The following ATG4C variants were observed in gnomAD, a reference collection of about 807,000 sequenced individuals.
The protein encoded by ATG4C is autophagy related 4C cysteine peptidase.
In ATG4C, 56 loss-of-function variants were observed where a neutral mutation model predicts 57.6. The observed-to-expected ratio is 0.97, with a 90% CI of 0.78 to 1.21. The LOEUF (loss-of-function observed/expected upper bound fraction) is 1.21, where lower values mean the gene tolerates loss of function less well. ATG4C is among the 50% of genes most tolerant of loss of function. ATG4C has a pLI of 0.00. For missense variants in ATG4C, 595 were observed against 529.8 expected (o/e 1.12, Z -1.21); for synonymous variants, 157 against 174.1 (o/e 0.90, Z 0.78).
In ATG4C at chr1:62,834,811, C is replaced by G; in HGVS notation, c.1048C>G (p.Gln350Glu). 6.2e-7 allele frequency: 1 copy of G among 1,612,170 alleles called. No homozygotes were observed. The highest frequency in any genetic ancestry group is 8.5e-7 in the Non-Finnish European group (1 of 1,178,768). Reference sequence around the variant, plus strand: ...GATTTACATGGATCCTCATTACTGCCAATCTTTTGTAGATGTCAGCATAAA... The same window carrying G: ...GATTTACATGGATCCTCATTACTGCGAATCTTTTGTAGATGTCAGCATAAA... ...SLIYMDPHYC[Q>E]SFVDVSIKDF... Residue 350 changes from glutamine to glutamate, a missense_variant, in exon 9 of 11, where the codon CAA becomes GAA. Transcript: ENST00000317868.
Position 62,841,454 on chromosome 1 carries a change from G to T in ATG4C, c.1116G>T (p.Lys372Asn). The change falls in exon 10 of 11, where the codon AAG becomes AAT. Residue 372 changes from lysine to asparagine, a missense_variant. Transcript: ENST00000317868. ...CATTCCACTGCCCTTCTCCCAAAAA[G>T]ATGTCTTTTCGAAAAATGGATCCCA... ...LETFHCPSPKKMSFRKMDPSC... is the reference protein window; with the variant it reads ...LETFHCPSPKNMSFRKMDPSC... The T allele has an allele frequency of 1.2e-6, 2 of 1,607,452 alleles. No homozygotes were observed. Among genetic ancestry groups the T allele is most frequent in the Non-Finnish European group, 1.7e-6 (2 of 1,176,570 alleles).
At chr1:62,858,195 T>G (rs918130365) in intron 10 of ATG4C, among the ~76,000 whole-genome samples, 4 of 152,236 alleles carry the variant, frequency 2.6e-5, no homozygotes, top group African/African-American at 9.6e-5. Context: ...TCTTTGTCAC[T>G]TGCAACAAAA....
chr1:62,813,889 A>G (rs1029646356), intron 3 of ATG4C, among the ~76,000 whole-genome samples: 43 of 152,346 alleles, frequency 2.8e-4, no homozygotes, highest in African/African-American at 1.0e-3. Flanking sequence ...CAAAACCACA[A>G]TGAGATACCA....
chr1:62,850,019 T>A (rs1457907764), intron 10 of ATG4C, among the ~76,000 whole-genome samples: 1 of 152,210 alleles, frequency 6.6e-6, no homozygotes, highest in Non-Finnish European at 1.5e-5. Context: ...TTATGAGTAC[T>A]ATTTAGAGAG....
chr1:62,842,772 A>T (rs6665455), intron 10 of ATG4C, among the ~76,000 whole-genome samples: 41 of 152,050 alleles, frequency 2.7e-4, no homozygotes, highest in Middle Eastern at 6.8e-3. Flanking sequence ...AACAAATGAG[A>T]TATGTGGGAA....
intron 10 of ATG4C, among the ~76,000 whole-genome samples, chr1:62,859,173 C>T (rs2100366908): frequency 6.6e-6 from 1 of 152,252 alleles, no homozygotes; most frequent in East Asian, 1.9e-4. Flanking sequence ...AAAGGAAATG[C>T]TGTTTGGGAC....
intron 2 of ATG4C, among the ~76,000 whole-genome samples, chr1:62,804,571 C>T (rs1293634540): frequency 6.6e-6 from 1 of 152,038 alleles, no homozygotes; most frequent in Admixed American, 6.6e-5. Context: ...TAGGCCTCTT[C>T]CCACACAAAA....
chr1:62,855,449 T>C (rs1666653582), intron 10 of ATG4C, among the ~76,000 whole-genome samples: 1 of 152,220 alleles, frequency 6.6e-6, no homozygotes, highest in African/African-American at 2.4e-5. Context: ...GTTAAACTTA[T>C]TACCTAGTAG....
Position 62,816,535 on chromosome 1 carries a change from A to T in ATG4C, c.161-40A>T, listed in dbSNP as rs375805653. The T allele has an allele frequency of 1.7e-5, 24 of 1,434,072 alleles. No individual in the cohort carries two copies. In the African/African-American group the frequency reaches 3.3e-4, roughly 20 times the overall value. 88.8% of individuals were successfully genotyped at this position (1,434,072 alleles called of 1,614,324 possible). On this transcript the variant is annotated intron_variant, in intron 3 of 10. Transcript: ENST00000317868. ...GATAATGTTTGTTACCATTATAGAC[A>T]TTTCTCTGGTTATCTTTAGACCGTA...
intron 9 of ATG4C, among the ~76,000 whole-genome samples, chr1:62,835,166 TA>T (rs1026150924): frequency 3.8e-4 from 56 of 148,424 alleles, no homozygotes; most frequent in African/African-American, 1.0e-3. Context: ...CTGAAGAATT[TA>T]AAATGTAAGG....
chr1:62,859,772 T>C (rs1243834106), intron 10 of ATG4C, among the ~76,000 whole-genome samples: 1 of 152,136 alleles, frequency 6.6e-6, no homozygotes, highest in Non-Finnish European at 1.5e-5. Context: ...CTTGACTGAC[T>C]GCAACCTCCG....
chr1:62,845,712 A>T (rs1248064434), intron 10 of ATG4C, among the ~76,000 whole-genome samples: 1 of 151,470 alleles, frequency 6.6e-6, no homozygotes, highest in African/African-American at 2.4e-5. Flanking sequence ...TTATTTATTT[A>T]TTTTTTTGAG....
At chr1:62,806,912 G>GCT (rs1664900221) in intron 3 of ATG4C, among the ~76,000 whole-genome samples, 3 of 152,090 alleles carry the variant, frequency 2.0e-5, no homozygotes, top group African/African-American at 7.2e-5. Context: ...GAAACCTTAG[G>GCT]GCTAGCTTTG....
intron 5 of ATG4C, 145 bp downstream of exon 5, chr1:62,819,480 G>A: frequency 1.6e-6 from 1 of 628,780 alleles, no homozygotes; most frequent in Non-Finnish European, 2.4e-6. Context: ...TTTGCCAGCA[G>A]GGAAAAAAGA....
At chr1:62,802,629 A>G (rs1664719816) in intron 1 of ATG4C, among the ~76,000 whole-genome samples, 1 of 152,162 alleles carries the variant, frequency 6.6e-6, no homozygotes, top group African/African-American at 2.4e-5. Context: ...TCTGGTTATG[A>G]TATTCCTGTT....
chr1:62,850,854 G>GTGTATATA (rs1402010901), intron 10 of ATG4C, among the ~76,000 whole-genome samples: 2 of 84,120 alleles, frequency 2.4e-5, no homozygotes, highest in African/African-American at 3.4e-5. Flanking sequence ...GTGTATGTAT[G>GTGTATATA]TATATATATA....
At chr1:62,818,691 C>T (rs1665365885) in intron 4 of ATG4C, among the ~76,000 whole-genome samples, 1 of 151,952 alleles carries the variant, frequency 6.6e-6, no homozygotes, top group East Asian at 1.9e-4. Flanking sequence ...AACCTATATA[C>T]CATAAATTCA....
chr1:62,840,376 T>A (rs893536953), intron 9 of ATG4C, among the ~76,000 whole-genome samples: 1 of 152,208 alleles, frequency 6.6e-6, no homozygotes, highest in African/African-American at 2.4e-5. Flanking sequence ...CCCACACTTA[T>A]CTCCCATCTG....
intron 10 of ATG4C, among the ~76,000 whole-genome samples, chr1:62,859,355 C>T (rs1424202576): frequency 6.6e-6 from 1 of 152,142 alleles, no homozygotes; most frequent in East Asian, 1.9e-4. Context: ...TGCTCCTGGA[C>T]TACAAATCTG....
Sources: allele counts gnomAD v4.1 joint callset (sites outside exome capture counted in the v4.1 genomes callset), GRCh38; gene constraint gnomAD v4.1.1; transcripts MANE v1.5; gene names NCBI Gene and HGNC (gene_info 2026-07-23, HGNC 2026-07-21).